ASTN2: variants seen among roughly 807,000 people sequenced by gnomAD.
The protein encoded by ASTN2 is astrotactin-2.
Under a neutral mutation model 139.8 loss-of-function variants are expected in ASTN2, and 54 were observed. The ratio of observed to expected loss-of-function variants is 0.39; its 90% confidence interval spans 0.31 to 0.48. ASTN2 has a LOEUF of 0.48. Among genes scored for constraint, ASTN2 ranks in the 20% least tolerant of loss-of-function variants. The pLI, the probability that ASTN2 is intolerant of heterozygous loss-of-function variation, is 0.95. For synonymous variants in ASTN2, 756 were observed against 719.5 expected, an observed-to-expected ratio of 1.05 and a Z score of -0.81; for missense variants, 1,565 against 1,725.1, an observed-to-expected ratio of 0.91 and a Z score of 1.64.
intron 5 of ASTN2, among the ~76,000 whole-genome samples, chr9:117,069,409 G>A: frequency 9.3e-6 from 1 of 107,440 alleles, no homozygotes; most frequent in Non-Finnish European, 1.9e-5. Flanking sequence ...TACATTTGCT[G>A]AGGAGAGCTT....
intron 19 of ASTN2, among the ~76,000 whole-genome samples, chr9:116,514,516 C>T (rs926392249): frequency 7.2e-5 from 11 of 152,202 alleles, no homozygotes; most frequent in Non-Finnish European, 1.5e-5. Flanking sequence ...GGGAGAACCA[C>T]TACTCTCTTC....
chr9:116,834,979 G>A (rs1003788294), intron 11 of ASTN2, among the ~76,000 whole-genome samples: 1 of 152,150 alleles, frequency 6.6e-6, no homozygotes, highest in Non-Finnish European at 1.5e-5. Flanking sequence ...AGCCTAAGAA[G>A]TCGAGGCTGC....
chr9:117,112,901 A>G (rs1235057088), intron 4 of ASTN2, among the ~76,000 whole-genome samples: 1 of 152,208 alleles, frequency 6.6e-6, no homozygotes, highest in East Asian at 1.9e-4. Context: ...CTCTTACAAC[A>G]ATACAAGGAG....
At chr9:117,071,263 C>G (rs918049735) in intron 5 of ASTN2, among the ~76,000 whole-genome samples, 2 of 151,248 alleles carry the variant, frequency 1.3e-5, no homozygotes, top group Non-Finnish European at 3.0e-5. Context: ...TGTTGGAATA[C>G]CCTGCCGTGT....
chr9:116,774,891 C>T (rs1394094572), intron 13 of ASTN2, among the ~76,000 whole-genome samples: 1 of 152,200 alleles, frequency 6.6e-6, no homozygotes, highest in Non-Finnish European at 1.5e-5. Context: ...CACCCATCTA[C>T]ACACATGGGC....
chr9:116,651,390 T>A, intron 17 of ASTN2, 138 bp downstream of exon 17: 1 of 1,003,824 alleles, frequency 1.0e-6, no homozygotes, highest in Non-Finnish European at 1.4e-6. Context: ...TGGTAAGGAA[T>A]CAATAAATGC....
At chr9:116,759,398 G>A (rs58004402) in intron 13 of ASTN2, among the ~76,000 whole-genome samples, 80 of 152,234 alleles carry the variant, frequency 5.3e-4, no homozygotes, top group African/African-American at 1.9e-3. Context: ...CCGATTGTTC[G>A]CAATTTACCT....
At chr9:116,867,406 T>C (rs10983384) in intron 10 of ASTN2, among the ~76,000 whole-genome samples, 138,907 of 151,634 alleles carry the variant, frequency 0.92, 63,703 homozygotes, top group African/African-American at 0.93. Context: ...AAAAATTAGC[T>C]GGGCGTGGTG....
chr9:116,565,215 AACAC>A (rs59415099), intron 19 of ASTN2, among the ~76,000 whole-genome samples: 24,108 of 133,968 alleles, frequency 0.18, 2,085 homozygotes, highest in Middle Eastern at 0.23. Context: ...GCTTGCCACA[AACAC>A]ACACACACAC....
chr9:117,199,575 G>A (rs1831632952), intron 3 of ASTN2, among the ~76,000 whole-genome samples: 3 of 151,994 alleles, frequency 2.0e-5, no homozygotes, highest in South Asian at 4.2e-4. Context: ...CTCCAGCTTT[G>A]TTCTTTTTGC....
At chr9:117,398,019 T>C (rs1274611687) in intron 1 of ASTN2, among the ~76,000 whole-genome samples, 1 of 152,232 alleles carries the variant, frequency 6.6e-6, no homozygotes, top group Non-Finnish European at 1.5e-5. Flanking sequence ...CTGTGTCTCA[T>C]ATGTATCTGC....
chr9:117,332,795 C>T (rs1828755652), intron 1 of ASTN2, among the ~76,000 whole-genome samples: 2 of 152,180 alleles, frequency 1.3e-5, no homozygotes, highest in African/African-American at 2.4e-5. Flanking sequence ...ATGGCATATC[C>T]ATACAATGGG....
At chr9:116,686,625 TCACCTCC>T in intron 16 of ASTN2, 2 of 1,446,026 alleles carry the variant, frequency 1.4e-6, no homozygotes, top group Middle Eastern at 2.2e-4. Context: ...TCAGGCCAGA[TCACCTCC>T]CACCTGGTAA....
chr9:116,534,288 T>C (rs1356414493), intron 19 of ASTN2, among the ~76,000 whole-genome samples: 1 of 152,210 alleles, frequency 6.6e-6, no homozygotes, highest in African/African-American at 2.4e-5. Context: ...GTCTATCAAT[T>C]TTGTTGATCT....
chr9:117,044,893 T>A (rs1358682887), intron 5 of ASTN2, among the ~76,000 whole-genome samples: 1 of 152,218 alleles, frequency 6.6e-6, no homozygotes, highest in African/African-American at 2.4e-5. Flanking sequence ...AGTGTCTCCA[T>A]CATTTCCATT....
At chr9:116,970,719 C>G (rs1475512295) in intron 10 of ASTN2, among the ~76,000 whole-genome samples, 2 of 152,142 alleles carry the variant, frequency 1.3e-5, no homozygotes, top group Admixed American at 6.5e-5. Flanking sequence ...AAACTATCAC[C>G]AAGTGAGCCA....
At chr9:117,219,585 A>G (rs1245314915) in intron 2 of ASTN2, among the ~76,000 whole-genome samples, 2 of 152,178 alleles carry the variant, frequency 1.3e-5, no homozygotes, top group Non-Finnish European at 2.9e-5. Flanking sequence ...TGAGGAAGTC[A>G]CTGCAAGTTC....
intron 10 of ASTN2, among the ~76,000 whole-genome samples, chr9:116,926,385 T>C (rs1057461522): frequency 3.9e-5 from 6 of 152,370 alleles, no homozygotes; most frequent in Admixed American, 3.9e-4. Flanking sequence ...TTTGGTGCTA[T>C]ATCTTCTATA....
intron 16 of ASTN2, among the ~76,000 whole-genome samples, chr9:116,659,319 T>C (rs7848141): frequency 0.018 from 2,816 of 152,282 alleles, 88 homozygotes; most frequent in African/African-American, 0.064. Flanking sequence ...TGATATCATG[T>C]AGACAGTCTG....
Sources: gnomAD v4.1 joint callset for allele counts (sites outside exome capture counted in the v4.1 genomes callset) on GRCh38, gnomAD v4.1.1 for gene constraint, MANE v1.5 for transcripts, NCBI Gene and HGNC (gene_info 2026-07-23, HGNC 2026-07-21) for gene names.